Variants in GRK3 observed in about 807,000 individuals in gnomAD.
The protein encoded by GRK3 is adrenergic, beta, receptor kinase 2.
GRK3 carries 54 observed loss-of-function variants against 95.7 expected under a neutral mutation model. The observed-to-expected ratio is 0.56, with a 90% confidence interval of 0.45 to 0.71. The LOEUF is 0.71. Among genes scored for constraint, GRK3 ranks in the 30% least tolerant of loss-of-function variants. The probability of loss-of-function intolerance (pLI) is 0.00; values close to 1 mark genes in which losing one functional copy is unlikely to be tolerated. For synonymous variants in GRK3, 281 were observed against 290.8 expected (o/e 0.97, Z 0.34); for missense variants, 649 against 851.2 (o/e 0.76, Z 2.96).
intron 12 of GRK3, among the ~76,000 whole-genome samples, chr22:25,692,018 C>T (rs974559755): frequency 6.6e-6 from 1 of 152,104 alleles, no homozygotes. Context: ...GGCTGGAGTA[C>T]AGTGGTGTGA....
chr22:25,639,466 A>G (rs1268390483), intron 2 of GRK3, among the ~76,000 whole-genome samples: 2 of 152,182 alleles, frequency 1.3e-5, no homozygotes, highest in African/African-American at 4.8e-5. Context: ...AAATGTGGGC[A>G]TATTCTGGGA....
At chr22:25,706,771 C>T (rs1037100467) in intron 15 of GRK3, among the ~76,000 whole-genome samples, 1 of 152,146 alleles carries the variant, frequency 6.6e-6, no homozygotes, top group Non-Finnish European at 1.5e-5. Flanking sequence ...GATCTATGTG[C>T]CTTGGCCTCC....
chr22:25,607,148 CTA>C (rs1232635627), intron 2 of GRK3, among the ~76,000 whole-genome samples: 4 of 151,992 alleles, frequency 2.6e-5, no homozygotes, highest in African/African-American at 9.7e-5. Flanking sequence ...CACCATTTTG[CTA>C]TACTTTGTTT....
chr22:25,642,938 TA>T (rs1395622205), intron 2 of GRK3, among the ~76,000 whole-genome samples: 1 of 152,178 alleles, frequency 6.6e-6, no homozygotes, highest in East Asian at 1.9e-4. Context: ...TCAATGCATT[TA>T]AAAGCATTGA....
intron 1 of GRK3, among the ~76,000 whole-genome samples, chr22:25,588,663 G>C (rs574360153): frequency 2.2e-4 from 34 of 152,194 alleles, no homozygotes; most frequent in South Asian, 6.2e-4. Context: ...GTTTCATTTT[G>C]GGGGAACAGA....
intron 19 of GRK3, 36 bp downstream of exon 19, chr22:25,718,417 A>C: frequency 6.2e-7 from 1 of 1,607,128 alleles, no homozygotes; most frequent in Non-Finnish European, 8.5e-7. Flanking sequence ...CATGTTTCCC[A>C]GTACGTACAA....
chr22:25,694,642 T>G (rs931307890), intron 12 of GRK3, among the ~76,000 whole-genome samples: 2 of 152,188 alleles, frequency 1.3e-5, no homozygotes, highest in African/African-American at 4.8e-5. Context: ...GATGCCCCTG[T>G]GAGCTCAGGT....
intron 2 of GRK3, among the ~76,000 whole-genome samples, chr22:25,625,896 C>T (rs752374646): frequency 5.1e-4 from 77 of 152,202 alleles, no homozygotes; most frequent in Non-Finnish European, 1.0e-3. Context: ...CCCACGTGAC[C>T]TTACCTATCA....
intron 2 of GRK3, among the ~76,000 whole-genome samples, chr22:25,617,256 A>G (rs1326280451): frequency 6.6e-6 from 1 of 152,202 alleles, no homozygotes; most frequent in East Asian, 1.9e-4. Context: ...AATTATGGCT[A>G]TTTAAGAAGA....
chr22:25,619,814 G>A (rs1432109128), intron 2 of GRK3, among the ~76,000 whole-genome samples: 1 of 151,916 alleles, frequency 6.6e-6, no homozygotes, highest in Non-Finnish European at 1.5e-5. Flanking sequence ...GTCTTAAGGG[G>A]CAGCAGCAGG....
chr22:25,696,632 C>T (rs1009171139), intron 13 of GRK3, among the ~76,000 whole-genome samples: 1 of 152,136 alleles, frequency 6.6e-6, no homozygotes, highest in African/African-American at 2.4e-5. Context: ...CTAAATGTTG[C>T]ACCTTTCCAT....
chr22:25,695,243 G>A (rs775309588), intron 13 of GRK3, 29 bp downstream of exon 13: 13 of 1,513,008 alleles, frequency 8.6e-6, no homozygotes, highest in Admixed American at 8.5e-5. Context: ...TTCTAGTGCT[G>A]TCCTCATGGC....
chr22:25,564,992 C>T lies in GRK3; in HGVS notation c.-49C>T. 1 of 773,542 alleles carries T rather than the reference C, an allele frequency of 1.3e-6. No individual in the cohort carries two copies. The highest frequency in any genetic ancestry group is 1.7e-6 in the Non-Finnish European group (1 of 580,108). 47.9% of individuals were successfully genotyped at this position (773,542 alleles called of 1,614,324 possible). A position where few individuals can be genotyped will look rare whatever the true frequency, so the allele number is the denominator to read the frequency against. On this transcript the variant is annotated 5_prime_UTR_variant, in exon 1 of 21. Transcript: ENST00000324198. ...CGGGCGGCGGCGGCGGGCGCGCGTC[C>T]CGTCCAGGTCCGGAGTAACCGCCGC... is the stretch of plus-strand genomic sequence containing the variant.
At position 25,727,805 on chromosome 22, in the gene GRK3, T is replaced by C. The variant is rs2085486241; in HGVS notation, c.*5355T>C. 6.6e-6 allele frequency: 1 copy of C among 152,204 alleles called. No homozygotes were observed. The highest frequency in any genetic ancestry group is 2.1e-4 in the South Asian group (1 of 4,836). The allele number at this position is 152,204 out of a possible 1,614,324, so 9.4% of individuals were successfully genotyped here. On this transcript the variant is annotated 3_prime_UTR_variant, in exon 21 of 21. Coordinates refer to ENST00000324198, the MANE Select transcript of GRK3 (RefSeq NM_005160.4). Reference sequence around the variant, plus strand: ...AAATATTTTCAATTGTGTATTTGTATTACAAAGAACTTGAAATTTACTTTC... The same window carrying C: ...AAATATTTTCAATTGTGTATTTGTACTACAAAGAACTTGAAATTTACTTTC...
intron 2 of GRK3, among the ~76,000 whole-genome samples, chr22:25,625,106 C>T (rs969984033): frequency 5.9e-5 from 9 of 151,850 alleles, no homozygotes; most frequent in Admixed American, 1.3e-4. Context: ...TTAGTAGAGA[C>T]GGGGTTTCAC....
intron 1 of GRK3, among the ~76,000 whole-genome samples, chr22:25,567,374 G>A (rs918665234): frequency 1.3e-5 from 2 of 151,624 alleles, no homozygotes; most frequent in African/African-American, 4.8e-5. Context: ...GTTACATTGA[G>A]ATTATCAGGT....
chr22:25,600,140 C>G (rs1266259877), intron 1 of GRK3, among the ~76,000 whole-genome samples: 1 of 149,974 alleles, frequency 6.7e-6, no homozygotes, highest in East Asian at 1.9e-4. Flanking sequence ...CTGTCCATAT[C>G]TGCAGGGTTT....
chr22:25,713,345 A>G (rs1210552841), intron 17 of GRK3, among the ~76,000 whole-genome samples: 1 of 152,218 alleles, frequency 6.6e-6, no homozygotes, highest in Non-Finnish European at 1.5e-5. Flanking sequence ...TGAAGAAAAC[A>G]GAAAGAGGAA....
intron 1 of GRK3, among the ~76,000 whole-genome samples, chr22:25,586,047 A>T (rs1932287734): frequency 1.3e-5 from 2 of 152,382 alleles, no homozygotes; most frequent in African/African-American, 2.4e-5. Context: ...ATACTTCCAG[A>T]CCCATAACAG....
Sources: allele counts gnomAD v4.1 joint callset (sites outside exome capture counted in the v4.1 genomes callset), GRCh38; gene constraint gnomAD v4.1.1; transcripts MANE v1.5; gene names NCBI Gene and HGNC (gene_info 2026-07-23, HGNC 2026-07-21).